SHLD1: variants seen among roughly 807,000 people sequenced by gnomAD.
SHLD1 encodes the protein shieldin complex subunit 1, also known as RINN1-REV7-interacting novel NHEJ regulator 3.
SHLD1 carries 3 observed loss-of-function variants against 5.5 expected under a neutral mutation model. The ratio of observed to expected loss-of-function variants is 0.54; its 90% confidence interval spans 0.25 to 1.40. SHLD1 has a LOEUF of 1.40. Ranked by LOEUF, SHLD1 falls within the 40% of genes most tolerant of loss-of-function variation. The pLI is 0.15. For synonymous variants in SHLD1, 92 were observed against 94.3 expected, an observed-to-expected ratio of 0.98 and a Z score of 0.14; for missense variants, 210 against 244.4, an observed-to-expected ratio of 0.86 and a Z score of 0.94.
At chr20:5,822,562 A>G (rs1240439052) in intron 2 of SHLD1, among the ~76,000 whole-genome samples, 1 of 152,050 alleles carries the variant, frequency 6.6e-6, no homozygotes, top group Non-Finnish European at 1.5e-5. Flanking sequence ...TTGTGTCCCT[A>G]AGTCCCAGCA....
intron 2 of SHLD1, among the ~76,000 whole-genome samples, chr20:5,838,774 T>A (rs2087819989): frequency 6.6e-6 from 1 of 152,174 alleles, no homozygotes; most frequent in African/African-American, 2.4e-5. Context: ...CGAGACTCTG[T>A]CTCAAAAATA....
chr20:5,790,678 T>G (rs2087126383), intron 2 of SHLD1, among the ~76,000 whole-genome samples: 1 of 151,988 alleles, frequency 6.6e-6, no homozygotes, highest in African/African-American at 2.4e-5. Context: ...GGTCTTGAAC[T>G]CCTGACCTCA....
chr20:5,836,778 A>G (rs2087794293), intron 2 of SHLD1, among the ~76,000 whole-genome samples: 1 of 152,226 alleles, frequency 6.6e-6, no homozygotes, highest in Non-Finnish European at 1.5e-5. Flanking sequence ...ACCCATAGCA[A>G]GAGCTTCCAA....
At chr20:5,837,767 A>G (rs1009938813) in intron 2 of SHLD1, among the ~76,000 whole-genome samples, 25 of 152,224 alleles carry the variant, frequency 1.6e-4, no homozygotes, top group African/African-American at 5.8e-4. Flanking sequence ...TAGTATCTAC[A>G]TATGTTTTAC....
rs367710739 is a variant in SHLD1 at position 5,849,821 on chromosome 20, C to T, written c.179-13203C>T. On this transcript the variant is annotated intron_variant, in intron 2 of 2. Transcript: ENST00000303142. The stretch of plus-strand genomic sequence containing the variant: ...AAAAATACAAAAAATTAGCCGGGCG[C>T]GGTGGCGGGCGCCTGTAGTCCCAGC... Among the ~76,000 whole-genome samples the T allele has an allele frequency of 8.7e-3, 1,312 of 150,342 alleles. 27 individuals are homozygous for T. Among genetic ancestry groups the T allele is most frequent in the African/African-American group, 0.03 (1,245 of 40,874 alleles).
Position 5,848,165 on chromosome 20 carries a change from C to G in SHLD1, c.179-14859C>G, listed in dbSNP as rs181465278. 3.5e-4 allele frequency among the ~76,000 whole-genome samples: 54 copies of G among 152,316 alleles called. 1 individual carries two copies. Among genetic ancestry groups the G allele is most frequent in the Admixed American group, 1.4e-3 (21 of 15,308 alleles). Reference sequence around the variant, plus strand: ...CTTTGCATATTGAAAGTTAAAATGACTACCACACACAAAGCAACACTCTTG... The same window carrying G: ...CTTTGCATATTGAAAGTTAAAATGAGTACCACACACAAAGCAACACTCTTG... On this transcript the variant is annotated intron_variant, in intron 2 of 2. Coordinates refer to ENST00000303142, the MANE Select transcript of SHLD1 (RefSeq NM_152504.4).
intron 2 of SHLD1, among the ~76,000 whole-genome samples, chr20:5,780,628 G>A (rs1015186946): frequency 2.6e-5 from 4 of 152,178 alleles, no homozygotes; most frequent in African/African-American, 9.7e-5. Context: ...CCAGGCTTAG[G>A]CTTAACTTGT....
intron 2 of SHLD1, among the ~76,000 whole-genome samples, chr20:5,822,504 C>T (rs2087617148): frequency 6.8e-6 from 1 of 146,816 alleles, no homozygotes; most frequent in Non-Finnish European, 1.5e-5. Context: ...AAAGTGAGTG[C>T]TCAGAGCTGT....
At chr20:5,786,627 A>C (rs2087063828) in intron 2 of SHLD1, among the ~76,000 whole-genome samples, 1 of 152,082 alleles carries the variant, frequency 6.6e-6, no homozygotes, top group African/African-American at 2.4e-5. Flanking sequence ...ACTTTGTTTG[A>C]CTGTAGGTGA....
In SHLD1 at chr20:5,797,168, A is replaced by G. The variant is rs57208150; in HGVS notation, c.178+24125A>G. 8.1e-3 allele frequency among the ~76,000 whole-genome samples: 1,234 copies of G among 152,236 alleles called. 14 individuals carry two copies. Among genetic ancestry groups the G allele is most frequent in the African/African-American group, 0.028 (1,164 of 41,544 alleles). On this transcript the variant is annotated intron_variant, in intron 2 of 2. Transcript: ENST00000303142. ...ACTCTTCTTGATGAAATAAGGAAAA[A>G]CAAAAGGGGGAAGGAAAGGAATTAG... is the stretch of plus-strand genomic sequence containing the variant.
At chr20:5,782,581 A>G (rs187637865) in intron 2 of SHLD1, among the ~76,000 whole-genome samples, 45 of 152,360 alleles carry the variant, frequency 3.0e-4, no homozygotes, top group Admixed American at 8.5e-4. Flanking sequence ...GTTAAACACA[A>G]TAAGTCTTTG....
chr20:5,818,803 G>T lies in SHLD1; in HGVS notation c.179-44221G>T, dbSNP rs147799329. ...CATGATCTAACTGGAATCCACCATGGGGTGACTCCAGGGCTCAATCTGATT... is the reference window on the plus strand; with the variant it reads ...CATGATCTAACTGGAATCCACCATGTGGTGACTCCAGGGCTCAATCTGATT... On this transcript the variant is annotated intron_variant, in intron 2 of 2. Coordinates refer to ENST00000303142, the MANE Select transcript of SHLD1 (RefSeq NM_152504.4). Among the ~76,000 whole-genome samples the T allele has an allele frequency of 3.4e-4, 52 of 152,220 alleles. No homozygotes were observed. The East Asian group carries it at 9.1e-3, about 27-fold the overall frequency.
chr20:5,798,794 A>T (rs2122329886), intron 2 of SHLD1, among the ~76,000 whole-genome samples: 1 of 149,542 alleles, frequency 6.7e-6, no homozygotes, highest in East Asian at 2.0e-4. Flanking sequence ...ATTTTTTTGT[A>T]TTTTTAATAG....
At chr20:5,769,043 C>T (rs919818072) in intron 1 of SHLD1, among the ~76,000 whole-genome samples, 1 of 151,884 alleles carries the variant, frequency 6.6e-6, no homozygotes, top group African/African-American at 2.4e-5. Context: ...GTAGCTGGGA[C>T]TATAGGCACA....
chr20:5,772,678 GAGGTGGGAGGATTGCTTGA>G (rs1985230096), intron 1 of SHLD1, among the ~76,000 whole-genome samples, 165 bp from the exon 2 acceptor site: 1 of 152,128 alleles, frequency 6.6e-6, no homozygotes, highest in African/African-American at 2.4e-5. Context: ...TTGGGAGGCT[GAGGTGGGAGGATTGCTTGA>G]GCCCAGGAGT....
chr20:5,831,830 A>G (rs536133166), intron 2 of SHLD1, among the ~76,000 whole-genome samples: 1 of 152,236 alleles, frequency 6.6e-6, no homozygotes, highest in South Asian at 2.1e-4. Context: ...AAAGGTAAAC[A>G]CTCATAATCC....
intron 2 of SHLD1, among the ~76,000 whole-genome samples, chr20:5,801,210 TG>T (rs1317816041): frequency 6.6e-6 from 1 of 152,064 alleles, no homozygotes; most frequent in East Asian, 1.9e-4. Context: ...CCCAAGTAGC[TG>T]GGATTACAGG....
chr20:5,780,057 C>T (rs1295715708), intron 2 of SHLD1, among the ~76,000 whole-genome samples: 2 of 142,658 alleles, frequency 1.4e-5, no homozygotes, highest in African/African-American at 2.6e-5. Flanking sequence ...CAGCTCACTG[C>T]AACCTCTGCT....
At chr20:5,817,422 C>CTGTGTG (rs1394384314) in intron 2 of SHLD1, among the ~76,000 whole-genome samples, 8 of 131,704 alleles carry the variant, frequency 6.1e-5, no homozygotes, top group African/African-American at 2.8e-4. Flanking sequence ...CTCTCTCTCT[C>CTGTGTG]TCTCTCTCTC....
Sources: allele counts gnomAD v4.1 joint callset (sites outside exome capture counted in the v4.1 genomes callset), GRCh38; gene constraint gnomAD v4.1.1; transcripts MANE v1.5; gene names NCBI Gene and HGNC (gene_info 2026-07-23, HGNC 2026-07-21).